SLC9A7: variants seen among roughly 807,000 people sequenced by gnomAD.
The protein encoded by SLC9A7 is solute carrier family 9 member A7.
In SLC9A7, 19 loss-of-function variants were observed where a neutral mutation model predicts 52.6. That is an observed-to-expected ratio of 0.36 (90% CI 0.25 to 0.53). SLC9A7 has a LOEUF of 0.53. Ranked by LOEUF, SLC9A7 falls within the 20% of genes least tolerant of loss-of-function variation. The probability of loss-of-function intolerance (pLI) is 0.91; values close to 1 mark genes in which losing one functional copy is unlikely to be tolerated. For synonymous variants in SLC9A7, 226 were observed against 252.1 expected, an observed-to-expected ratio of 0.90 and a Z score of 0.98; for missense variants, 455 against 597.9, an observed-to-expected ratio of 0.76 and a Z score of 2.49.
At chrX:46,643,895 C>T (rs951373649) in intron 11 of SLC9A7, among the ~76,000 whole-genome samples, 1 of 111,752 alleles carries the variant, frequency 8.9e-6, no homozygotes, top group East Asian at 2.8e-4. Flanking sequence ...TGTAACCGGC[C>T]AGATATTATA....
At chrX:46,631,079 C>G (rs1943214021) in intron 14 of SLC9A7, among the ~76,000 whole-genome samples, 1 of 112,173 alleles carries the variant, frequency 8.9e-6, no homozygotes, top group African/African-American at 3.2e-5. Flanking sequence ...CCTGGTTTTC[C>G]CACCTGGGGC....
intron 7 of SLC9A7, 109 bp from the exon 8 acceptor site, chrX:46,653,823 A>T (rs1458747563): frequency 2.0e-6 from 1 of 490,212 alleles, no homozygotes; most frequent in African/African-American, 2.5e-5. Flanking sequence ...TTTCCCTTCA[A>T]CCTTTTTTTT....
intron 6 of SLC9A7, 38 bp from the exon 7 acceptor site, chrX:46,662,195 C>A: frequency 8.6e-7 from 1 of 1,163,294 alleles, no homozygotes; most frequent in Non-Finnish European, 1.2e-6. Flanking sequence ...TAAAAGACTG[C>A]ACAGGTTTTA....
At chrX:46,633,365 A>C (rs919870693) in intron 13 of SLC9A7, among the ~76,000 whole-genome samples, 94 of 96,623 alleles carry the variant, frequency 9.7e-4, no homozygotes, top group African/African-American at 3.4e-3. Flanking sequence ...AAAAAAAAAA[A>C]AAAAAAAAAA....
rs1333374601 is a variant in SLC9A7, at chrX:46,725,803, C to T, written c.325+32902G>A. On this transcript the variant is annotated intron_variant, in intron 1 of 16. Transcript: ENST00000616978. Reference sequence around the variant, plus strand: ...AGTGGAGCCTTGGGTTTCACTTTCCCGAAGAATTGGTTGATCTTGAGCGGC... The same window carrying T: ...AGTGGAGCCTTGGGTTTCACTTTCCTGAAGAATTGGTTGATCTTGAGCGGC... The T allele has an allele frequency of 8.3e-6, 6 of 724,256 alleles. No individual in the cohort carries two copies. In the East Asian group the frequency reaches 1.3e-4, roughly 16 times the overall value. 59.7% of individuals were successfully genotyped at this position (724,256 alleles called of 1,213,427 possible).
intron 7 of SLC9A7, among the ~76,000 whole-genome samples, chrX:46,656,947 A>G (rs1402687017): frequency 6.6e-4 from 69 of 104,875 alleles, no homozygotes; most frequent in African/African-American, 2.2e-3. Context: ...GAAATGAAGG[A>G]AAAAATGTTA....
chrX:46,725,505 G>T, intron 1 of SLC9A7: 1 of 974,167 alleles, frequency 1.0e-6, no homozygotes, highest in Non-Finnish European at 1.5e-6. Flanking sequence ...AGCATCAACC[G>T]TGGTCTTGGT....
chrX:46,687,922 G>A (rs1215657225), intron 1 of SLC9A7, among the ~76,000 whole-genome samples: 24 of 111,809 alleles, frequency 2.1e-4, no homozygotes, highest in Non-Finnish European at 3.8e-5. Context: ...TAATATAAAT[G>A]GTGTCATACA....
intron 11 of SLC9A7, chrX:46,647,236 C>T: frequency 4.9e-6 from 1 of 202,644 alleles, no homozygotes; most frequent in South Asian, 7.4e-5. Context: ...CCTTGTGGCT[C>T]CCGGGCTCAG....
intron 10 of SLC9A7, 97 bp from the exon 11 acceptor site, chrX:46,648,894 C>T: frequency 3.3e-6 from 2 of 602,421 alleles, no homozygotes; most frequent in Non-Finnish European, 5.5e-6. Flanking sequence ...TGCTGTGACA[C>T]CTCGTTATAG....
chrX:46,665,216 C>T (rs1943897091), intron 5 of SLC9A7, among the ~76,000 whole-genome samples: 1 of 111,094 alleles, frequency 9.0e-6, no homozygotes, highest in East Asian at 2.8e-4. Context: ...TCCAACTGAA[C>T]ACAGACTGAG....
chrX:46,640,430 A>T (rs747445104), intron 12 of SLC9A7, among the ~76,000 whole-genome samples: 6 of 112,617 alleles, frequency 5.3e-5, no homozygotes, highest in Admixed American at 9.4e-5. Flanking sequence ...TTAAATGTAC[A>T]GTGTAAAACT....
rs1944042489 is a variant in SLC9A7 at position 46,672,611 on chromosome X, T to C, written c.620A>G (p.Asn207Ser). The change falls in exon 4 of 17, where the codon AAT (asparagine) becomes AGT (serine). Residue 207 changes from asparagine to serine, a missense_variant. By Grantham distance (46) the Asn-to-Ser change is conservative (BLOSUM62 1). Coordinates refer to ENST00000616978, the MANE Select transcript of SLC9A7 (RefSeq NM_001257291.2). ...GGCATAGGCCAGTATAGATCCAAGA[T>C]TTCTGAAAAAGTGTCTCTGAATAAA... ...YSLKKRHFFR[N>S]LGSILAYAFL... The C allele has an allele frequency of 8.3e-7, 1 of 1,198,635 alleles. No homozygotes were observed. Among genetic ancestry groups the C allele is most frequent in the African/African-American group, 1.8e-5 (1 of 57,037 alleles).
Position 46,606,367 on chromosome X carries a change from C to T in SLC9A7, c.*585G>A. On this transcript the variant is annotated 3_prime_UTR_variant, in exon 17 of 17. Transcript: ENST00000616978. ...GTTCGTGGATGTATTTTCAAATCTT[C>T]AGTCTAGAAAAAACACAGGCAGCAT... The T allele has an allele frequency of 1.3e-6, 1 of 755,370 alleles. No individual in the cohort carries two copies. The highest frequency in any genetic ancestry group is 1.6e-6 in the Non-Finnish European group (1 of 640,015). The allele number at this position is 755,370 out of a possible 1,213,427, so 62.3% of individuals were successfully genotyped here.
rs1380458226 is a variant in SLC9A7 at position 46,672,646 on chromosome X, C to A, written c.604-19G>T. 2 of 1,110,156 alleles carry A rather than the reference C, an allele frequency of 1.8e-6. No individual in the cohort carries two copies. Among genetic ancestry groups the A allele is most frequent in the Non-Finnish European group, 2.5e-6 (2 of 809,198 alleles). The allele number at this position is 1,110,156 out of a possible 1,213,427, so 91.5% of individuals were successfully genotyped here. A position where few individuals can be genotyped will look rare whatever the true frequency, so the allele number is the denominator to read the frequency against. On this transcript the variant is annotated intron_variant, in intron 3 of 16. Coordinates refer to ENST00000616978, the MANE Select transcript of SLC9A7 (RefSeq NM_001257291.2). ...AGTGTCTCTGAATAAAACAAACAAACAAAACCCAGGAATCACATTGTGATT... is the reference window on the plus strand; with the variant it reads ...AGTGTCTCTGAATAAAACAAACAAAAAAAACCCAGGAATCACATTGTGATT...
At chrX:46,635,711 G>A in intron 12 of SLC9A7, 63 bp from the exon 13 acceptor site, 1 of 835,387 alleles carries the variant, frequency 1.2e-6, no homozygotes, top group Non-Finnish European at 1.8e-6. Context: ...GGAGCTCTGG[G>A]CAAATGATCT....
chrX:46,758,091 T>G (rs1205895874), intron 1 of SLC9A7, among the ~76,000 whole-genome samples: 3 of 111,851 alleles, frequency 2.7e-5, no homozygotes. Context: ...TGTCTCCTCG[T>G]CCAGGCCTGA....
At position 46,604,751 on chromosome X, in the gene SLC9A7, C is replaced by G. The variant is rs185335771; in HGVS notation, c.*2201G>C. On this transcript the variant is annotated 3_prime_UTR_variant, in exon 17 of 17. Transcript: ENST00000616978. ...CCGGTCTCAATTTTATTTTATTGAA[C>G]CATATGAAATTGCCACTCCTGTTTT... 8.9e-6 allele frequency: 1 copy of G among 112,277 alleles called. No homozygotes were observed. Among genetic ancestry groups the G allele is most frequent in the Non-Finnish European group, 1.9e-5 (1 of 53,260 alleles). 9.3% of individuals were successfully genotyped at this position (112,277 alleles called of 1,213,427 possible).
At chrX:46,639,130 GA>G (rs1943364820) in intron 12 of SLC9A7, among the ~76,000 whole-genome samples, 1 of 111,394 alleles carries the variant, frequency 9.0e-6, no homozygotes, top group African/African-American at 3.3e-5. Flanking sequence ...AATTGATACA[GA>G]AAAAATATTT....
Sources: allele counts gnomAD v4.1 joint callset (sites outside exome capture counted in the v4.1 genomes callset), GRCh38; gene constraint gnomAD v4.1.1; transcripts MANE v1.5; gene names NCBI Gene and HGNC (gene_info 2026-07-23, HGNC 2026-07-21).